Variants in USP54 observed in about 807,000 individuals in gnomAD.
The protein encoded by USP54 is ubiquitin specific peptidase 54.
Under a neutral mutation model 170.5 loss-of-function variants are expected in USP54, and 87 were observed. The observed-to-expected ratio is 0.51, with a 90% CI of 0.43 to 0.61. The LOEUF (loss-of-function observed/expected upper bound fraction) is 0.61, where lower values mean the gene tolerates loss of function less well. Among genes scored for constraint, USP54 ranks in the 20% least tolerant of loss-of-function variants. The probability of loss-of-function intolerance (pLI) is 0.00; values close to 1 mark genes in which losing one functional copy is unlikely to be tolerated. For synonymous variants in USP54, 655 were observed against 742.8 expected, an observed-to-expected ratio of 0.88 and a Z score of 1.92; for missense variants, 1,786 against 2,047.8, an observed-to-expected ratio of 0.87 and a Z score of 2.47.
At chr10:73,573,963 T>C (rs1459963375) in intron 3 of USP54, among the ~76,000 whole-genome samples, 1 of 152,208 alleles carries the variant, frequency 6.6e-6, no homozygotes, top group African/African-American at 2.4e-5. Flanking sequence ...ATACTAAATA[T>C]CTTGTCTTCT....
rs111723958 is a variant in USP54, at chr10:73,517,754, C to G, written c.2679-7G>C. 1.1e-5 allele frequency: 18 copies of G among 1,604,000 alleles called. No individual in the cohort carries two copies. The African/African-American group carries it at 1.3e-4, about 12-fold the overall frequency. On this transcript the variant is annotated splice_polypyrimidine_tract_variant and splice_region_variant and intron_variant, in intron 19 of 23. Transcript: ENST00000687698. ...GAGCGGGATAGGCTGTTCACTGAAA[C>G]AAATGGAGAGAGCTAGTCATAAGCT... is the stretch of plus-strand genomic sequence containing the variant.
At chr10:73,601,759 T>A (rs1302914324) in intron 1 of USP54, among the ~76,000 whole-genome samples, 1 of 152,166 alleles carries the variant, frequency 6.6e-6, no homozygotes, top group Non-Finnish European at 1.5e-5. Flanking sequence ...CCAAAGTAAG[T>A]CTTTCCTTAT....
chr10:73,569,030 C>T (rs1218197469), intron 4 of USP54, among the ~76,000 whole-genome samples: 1 of 152,194 alleles, frequency 6.6e-6, no homozygotes, highest in African/African-American at 2.4e-5. Context: ...GAGTATAGCA[C>T]AGTCCCGACT....
chr10:73,539,889 G>A (rs1327548330), intron 9 of USP54, among the ~76,000 whole-genome samples: 4 of 152,086 alleles, frequency 2.6e-5, no homozygotes, highest in Non-Finnish European at 4.4e-5. Context: ...ACTTTGGGAG[G>A]GTGAGGTGAA....
At chr10:73,511,096 C>CT (rs777196673) in intron 20 of USP54, among the ~76,000 whole-genome samples, 27,694 of 121,452 alleles carry the variant, frequency 0.23, 4,778 homozygotes, top group East Asian at 0.81. Flanking sequence ...ATGAAAACAC[C>CT]TTTTTTTTTT....
At chr10:73,575,448 A>G (rs866738895) in intron 3 of USP54, 64 bp downstream of exon 3, 4 of 1,474,614 alleles carry the variant, frequency 2.7e-6, no homozygotes, top group Middle Eastern at 1.8e-4. Flanking sequence ...AAAAAGAGTT[A>G]TCAGAAATAC....
intron 1 of USP54, among the ~76,000 whole-genome samples, chr10:73,590,971 T>G (rs2078178562): frequency 6.6e-6 from 1 of 151,990 alleles, no homozygotes; most frequent in Non-Finnish European, 1.5e-5. Context: ...TTCTTGCCTT[T>G]AATTCTAAGG....
chr10:73,559,643 A>G (rs886963573), intron 4 of USP54, among the ~76,000 whole-genome samples: 8 of 151,464 alleles, frequency 5.3e-5, no homozygotes, highest in African/African-American at 1.9e-4. Flanking sequence ...CAAGAGAATC[A>G]CTTGAACCTG....
intron 4 of USP54, among the ~76,000 whole-genome samples, chr10:73,548,104 T>C (rs1033657394): frequency 2.6e-5 from 4 of 152,096 alleles, no homozygotes; most frequent in African/African-American, 9.7e-5. Context: ...AGAAGACATT[T>C]ATGCAGCCAA....
Position 73,543,022 on chromosome 10 carries a change from T to A in USP54, c.485A>T (p.Glu162Val). 1.2e-6 allele frequency: 2 copies of A among 1,613,896 alleles called. No individual in the cohort carries two copies. The highest frequency in any genetic ancestry group is 1.7e-6 in the Non-Finnish European group (2 of 1,179,742). The change falls in exon 6 of 24, where the codon GAG becomes GTG. Residue 162 changes from glutamate (E) to valine (V), a missense_variant. Transcript: ENST00000687698. ...SHQKFAMTLF[E>V]QCVCTSCGAT... is the part of the protein sequence containing the mutation. ...AAAGATGGAGCTAGAGTTCACCTGC[T>A]CAAACAATGTCATTGCAAATTTCTG...
chr10:73,578,727 T>C (rs1248715718), intron 1 of USP54, among the ~76,000 whole-genome samples: 1 of 152,114 alleles, frequency 6.6e-6, no homozygotes, highest in Non-Finnish European at 1.5e-5. Context: ...TTGATGAAAG[T>C]ACCAAGGCCA....
intron 4 of USP54, among the ~76,000 whole-genome samples, chr10:73,555,192 C>T (rs192685418): frequency 2.5e-3 from 381 of 152,294 alleles, no homozygotes; most frequent in African/African-American, 8.5e-3. Context: ...TAATTTAATA[C>T]GAACTCTTGA....
chr10:73,604,692 G>A (rs1363792126), intron 1 of USP54, among the ~76,000 whole-genome samples: 9 of 150,966 alleles, frequency 6.0e-5, no homozygotes, highest in African/African-American at 9.8e-5. Flanking sequence ...CCTGATTCAC[G>A]CCATTCTCCT....
intron 22 of USP54, among the ~76,000 whole-genome samples, chr10:73,502,461 C>T (rs889003853): frequency 2.6e-5 from 4 of 152,136 alleles, no homozygotes; most frequent in African/African-American, 7.2e-5. Flanking sequence ...TACAGGCACC[C>T]GCCACCGCGC....
Position 73,541,619 on chromosome 10 carries a change from C to A in USP54, c.678+14G>T, listed in dbSNP as rs1373964398. 6.2e-7 allele frequency: 1 copy of A among 1,613,880 alleles called. No homozygotes were observed. The highest frequency in any genetic ancestry group is 8.5e-7 in the Non-Finnish European group (1 of 1,179,938). ...CCCTTTCCCACTCCAAACCCCACCC[C>A]TGATTTAACTCACTGGACAGTTCCG... On this transcript the variant is annotated intron_variant, in intron 8 of 23. Coordinates refer to ENST00000687698, the MANE Select transcript of USP54 (RefSeq NM_001391956.1).
At chr10:73,599,903 T>TC (rs2079030588) in intron 1 of USP54, among the ~76,000 whole-genome samples, 1 of 150,086 alleles carries the variant, frequency 6.7e-6, no homozygotes, top group African/African-American at 2.5e-5. Context: ...TTTGGGCTTT[T>TC]TTTTTTTTTT....
At chr10:73,624,026 G>C (rs1269474391) in intron 1 of USP54, among the ~76,000 whole-genome samples, 1 of 151,672 alleles carries the variant, frequency 6.6e-6, no homozygotes, top group Non-Finnish European at 1.5e-5. Context: ...GCTTTATCTT[G>C]CATCAGAAAA....
chr10:73,531,483 T>C (rs2063960239), intron 12 of USP54, among the ~76,000 whole-genome samples: 1 of 152,186 alleles, frequency 6.6e-6, no homozygotes, highest in South Asian at 2.1e-4. Flanking sequence ...GCCATATACT[T>C]TCACTCTCAT....
chr10:73,581,198 G>A (rs2076861145), intron 1 of USP54, among the ~76,000 whole-genome samples: 1 of 152,216 alleles, frequency 6.6e-6, no homozygotes, highest in Non-Finnish European at 1.5e-5. Flanking sequence ...GACAAGGCTG[G>A]TGGATCACTT....
Sources: gnomAD v4.1 joint callset for allele counts (sites outside exome capture counted in the v4.1 genomes callset) on GRCh38, gnomAD v4.1.1 for gene constraint, MANE v1.5 for transcripts, NCBI Gene and HGNC (gene_info 2026-07-23, HGNC 2026-07-21) for gene names.